Variants in CTNNA2 observed in about 807,000 individuals in gnomAD.
CTNNA2 encodes the protein catenin alpha 2, also known as catenin alpha-2.
CTNNA2 carries 42 observed loss-of-function variants against 101.0 expected under a neutral mutation model. That is an observed-to-expected ratio of 0.42 (90% CI 0.32 to 0.54). CTNNA2 has a LOEUF of 0.54. CTNNA2 is among the 20% of genes least tolerant of loss of function. CTNNA2 has a pLI of 0.14. For synonymous variants in CTNNA2, 450 were observed against 456.4 expected, an observed-to-expected ratio of 0.99 and a Z score of 0.18; for missense variants, 871 against 1,223.1, an observed-to-expected ratio of 0.71 and a Z score of 4.29.
intron 6 of CTNNA2, among the ~76,000 whole-genome samples, chr2:79,875,379 G>C (rs1682939051): frequency 6.6e-6 from 1 of 152,126 alleles, no homozygotes; most frequent in African/African-American, 2.4e-5. Flanking sequence ...AACCCTGCAG[G>C]GGAGATGAGG....
chr2:79,389,652 A>T (rs1678145019), intron 4 of CTNNA2, among the ~76,000 whole-genome samples: 1 of 152,182 alleles, frequency 6.6e-6, no homozygotes, highest in Non-Finnish European at 1.5e-5. Context: ...GAGGAAGCTG[A>T]TCTCAGTCTG....
chr2:79,549,611 A>AAAT (rs1673963394), intron 1 of CTNNA2, among the ~76,000 whole-genome samples: 1 of 152,214 alleles, frequency 6.6e-6, no homozygotes. Flanking sequence ...CTCAATGGCT[A>AAAT]AATACATGAA....
intron 7 of CTNNA2, among the ~76,000 whole-genome samples, chr2:80,151,949 TC>T (rs1703725863): frequency 6.6e-6 from 1 of 152,252 alleles, no homozygotes; most frequent in East Asian, 1.9e-4. Flanking sequence ...CCCCCTGCTG[TC>T]TTGTTGCTGC....
intron 2 of CTNNA2, among the ~76,000 whole-genome samples, chr2:79,286,928 A>AT (rs1028993625): frequency 6.6e-6 from 1 of 152,076 alleles, no homozygotes; most frequent in Non-Finnish European, 1.5e-5. Context: ...ACATAGTCCC[A>AT]TATTTCTTGG....
chr2:80,381,857 G>C (rs1376188946), intron 7 of CTNNA2, among the ~76,000 whole-genome samples: 1 of 152,104 alleles, frequency 6.6e-6, no homozygotes, highest in Non-Finnish European at 1.5e-5. Context: ...TTCTCTTTCA[G>C]TTCCTACTGT....
intron 7 of CTNNA2, among the ~76,000 whole-genome samples, chr2:80,155,911 A>G (rs1488306495): frequency 6.6e-6 from 1 of 152,188 alleles, no homozygotes; most frequent in Non-Finnish European, 1.5e-5. Flanking sequence ...TGGAACTTTC[A>G]GCATCCATGT....
intron 6 of CTNNA2, among the ~76,000 whole-genome samples, chr2:79,902,391 T>C (rs1270640127): frequency 6.6e-6 from 1 of 152,184 alleles, no homozygotes; most frequent in Non-Finnish European, 1.5e-5. Flanking sequence ...GTGTGTTTTT[T>C]TGCTTTGCAT....
At chr2:80,212,211 C>A (rs974922493) in intron 7 of CTNNA2, among the ~76,000 whole-genome samples, 1 of 152,264 alleles carries the variant, frequency 6.6e-6, no homozygotes, top group South Asian at 2.1e-4. Flanking sequence ...CCCTTTATTT[C>A]TTTCTCCTGC....
intron 2 of CTNNA2, among the ~76,000 whole-genome samples, chr2:79,235,279 G>A (rs1368758289): frequency 6.6e-6 from 1 of 152,102 alleles, no homozygotes; most frequent in African/African-American, 2.4e-5. Context: ...GTTTTCCCAG[G>A]CACTGTATAC....
At chr2:80,641,762 T>G (rs1475471534) in intron 18 of CTNNA2, among the ~76,000 whole-genome samples, 1 of 134,166 alleles carries the variant, frequency 7.5e-6, no homozygotes, top group African/African-American at 2.8e-5. Flanking sequence ...ACGTTATATC[T>G]TAGATTATTA....
chr2:80,127,216 C>A (rs558752164), intron 7 of CTNNA2, among the ~76,000 whole-genome samples: 1 of 152,278 alleles, frequency 6.6e-6, no homozygotes, highest in East Asian at 1.9e-4. Context: ...TAATGATTTA[C>A]TATTTTAGAT....
chr2:79,903,432 T>A (rs1253918786), intron 6 of CTNNA2, among the ~76,000 whole-genome samples: 1 of 152,078 alleles, frequency 6.6e-6, no homozygotes, highest in Non-Finnish European at 1.5e-5. Context: ...TGCTTTAAGA[T>A]CTCTGATGAT....
At chr2:79,281,050 C>T (rs565735819) in intron 2 of CTNNA2, among the ~76,000 whole-genome samples, 1 of 152,062 alleles carries the variant, frequency 6.6e-6, no homozygotes, top group Admixed American at 6.6e-5. Context: ...TCCTACCCCC[C>T]ACATCCTTAT....
intron 2 of CTNNA2, among the ~76,000 whole-genome samples, chr2:79,275,537 G>A (rs1384406107): frequency 6.6e-6 from 1 of 151,832 alleles, no homozygotes; most frequent in Non-Finnish European, 1.5e-5. Context: ...TATGGTTCTA[G>A]ATGAAATTCA....
intron 4 of CTNNA2, among the ~76,000 whole-genome samples, chr2:79,486,526 A>G (rs1671159877): frequency 6.6e-6 from 1 of 152,194 alleles, no homozygotes; most frequent in African/African-American, 2.4e-5. Context: ...ATGGTGCCAC[A>G]ATAAACATAC....
At chr2:79,854,494 T>C (rs929989436) in intron 3 of CTNNA2, among the ~76,000 whole-genome samples, 34 of 152,344 alleles carry the variant, frequency 2.2e-4, no homozygotes, top group African/African-American at 7.7e-4. Flanking sequence ...TATTTGGTAA[T>C]AGTTGGGGTG....
At chr2:80,230,118 C>A (rs1358324779) in intron 7 of CTNNA2, among the ~76,000 whole-genome samples, 1 of 152,138 alleles carries the variant, frequency 6.6e-6, no homozygotes, top group African/African-American at 2.4e-5. Context: ...GCTGTACCAT[C>A]TAGGTTTGTG....
At chr2:79,195,835 C>T (rs773221366) in intron 1 of CTNNA2, 2 of 514,622 alleles carry the variant, frequency 3.9e-6, no homozygotes, top group Non-Finnish European at 7.8e-6. Context: ...CAATACATAT[C>T]ACTCAATGAA....
chr2:80,559,694 C>T (rs1187477793), intron 12 of CTNNA2, among the ~76,000 whole-genome samples: 2 of 152,052 alleles, frequency 1.3e-5, no homozygotes, highest in Non-Finnish European at 2.9e-5. Flanking sequence ...CTACAGCAGA[C>T]CCATTAAATA....
Sources: gnomAD v4.1 joint callset for allele counts (sites outside exome capture counted in the v4.1 genomes callset) on GRCh38, gnomAD v4.1.1 for gene constraint, MANE v1.5 for transcripts, NCBI Gene and HGNC (gene_info 2026-07-23, HGNC 2026-07-21) for gene names.